DYNC2H1: variants seen among roughly 807,000 people sequenced by gnomAD.
The protein encoded by DYNC2H1 is cytoplasmic dynein 2 heavy chain 1.
DYNC2H1 carries 410 observed loss-of-function variants against 570.0 expected under a neutral mutation model. That is an observed-to-expected ratio of 0.72 (90% CI 0.66 to 0.78). DYNC2H1 has a LOEUF of 0.78. Ranked by LOEUF, DYNC2H1 falls within the 30% of genes least tolerant of loss-of-function variation. The pLI, the probability that DYNC2H1 is intolerant of heterozygous loss-of-function variation, is 0.00. For synonymous variants in DYNC2H1, 1,688 were observed against 1,677.6 expected, an observed-to-expected ratio of 1.01 and a Z score of -0.15; for missense variants, 4,865 against 5,046.4, an observed-to-expected ratio of 0.96 and a Z score of 1.09.
intron 83 of DYNC2H1, among the ~76,000 whole-genome samples, chr11:103,367,934 C>G (rs926791600): frequency 2.0e-5 from 3 of 152,246 alleles, no homozygotes; most frequent in South Asian, 4.1e-4. Context: ...GTTGTCACAA[C>G]TGACAGAATT....
At chr11:103,342,435 A>ATG (rs1277882892) in intron 82 of DYNC2H1, among the ~76,000 whole-genome samples, 213 of 152,116 alleles carry the variant, frequency 1.4e-3, no homozygotes, top group African/African-American at 4.1e-3. Context: ...GTCCCCTTCC[A>ATG]CAACGTGGAA....
In DYNC2H1 at chr11:103,479,208, C is replaced by T; in HGVS notation, c.12879C>T (p.Asp4293=). 1 of 1,613,752 alleles carries T rather than the reference C, an allele frequency of 6.2e-7. No homozygotes were observed. Among genetic ancestry groups the T allele is most frequent in the Admixed American group, 1.7e-5 (1 of 59,992 alleles). Residue 4293 remains aspartate, a synonymous_variant, in exon 89 of 89, where the codon GAC becomes GAT. Coordinates refer to ENST00000375735, the MANE Select transcript of DYNC2H1 (RefSeq NM_001377.3). ...ATGTTCCATGTGGGGGCAACCAAGA[C>T]CAGTGGATTCAGTGTGGAGCAGCTC... ...NIDVPCGGNQ[D]QWIQCGAALF...
At chr11:103,466,940 T>C (rs867692042) in intron 87 of DYNC2H1, among the ~76,000 whole-genome samples, 8 of 152,270 alleles carry the variant, frequency 5.3e-5, no homozygotes, top group Middle Eastern at 3.4e-3. Flanking sequence ...AGCATGGTTA[T>C]TGAGGTGTTT....
At chr11:103,179,830 C>T (rs901199602) in intron 39 of DYNC2H1, among the ~76,000 whole-genome samples, 3 of 151,708 alleles carry the variant, frequency 2.0e-5, no homozygotes, top group Middle Eastern at 3.4e-3. Context: ...CATACCAGAG[C>T]ATGGACATTT....
chr11:103,344,549 A>G (rs1288618455), intron 82 of DYNC2H1, among the ~76,000 whole-genome samples: 7 of 152,106 alleles, frequency 4.6e-5, no homozygotes. Context: ...TGGAACATTC[A>G]TACCCTAGGT....
At chr11:103,110,460 T>A (rs1196627033) in intron 1 of DYNC2H1, among the ~76,000 whole-genome samples, 2 of 152,152 alleles carry the variant, frequency 1.3e-5, no homozygotes, top group African/African-American at 4.8e-5. Flanking sequence ...GATCAGGCTC[T>A]GATTTTAACA....
intron 70 of DYNC2H1, among the ~76,000 whole-genome samples, chr11:103,274,738 T>G (rs1865842604): frequency 6.6e-6 from 1 of 152,130 alleles, no homozygotes; most frequent in African/African-American, 2.4e-5. Context: ...TTTTGGGGGT[T>G]TTTCAGCCAC....
chr11:103,260,922 A>AT (rs5794217), intron 70 of DYNC2H1, among the ~76,000 whole-genome samples: 7,572 of 147,018 alleles, frequency 0.052, 242 homozygotes, highest in Non-Finnish European at 0.074. Flanking sequence ...CCCAGCCAGA[A>AT]TTTTTTTTTT....
intron 83 of DYNC2H1, among the ~76,000 whole-genome samples, chr11:103,372,265 TGCCTAGGCCTCCCAAAGTGGTGGGATTA>T (rs1478224781): frequency 1.3e-5 from 2 of 152,018 alleles, no homozygotes; most frequent in African/African-American, 4.8e-5. Context: ...GTGATCTGCC[TGCCTAGGCCTCCCAAAGTGGTGGGATTA>T]CAGGCGTGAG....
chr11:103,273,882 G>A (rs1865804957), intron 70 of DYNC2H1, among the ~76,000 whole-genome samples: 1 of 152,102 alleles, frequency 6.6e-6, no homozygotes, highest in African/African-American at 2.4e-5. Flanking sequence ...AACAGGAGAA[G>A]GGTAACCACC....
In DYNC2H1 at chr11:103,283,090, T is replaced by A; in HGVS notation, c.10890+5T>A. On this transcript the variant is annotated splice_donor_5th_base_variant and intron_variant, in intron 73 of 88. Transcript: ENST00000375735. ...TGGGCCGTGGCAACATTAAAGGTAT[T>A]CCTTTTCTACTATGAGACATGTTTT... 1.3e-6 allele frequency: 2 copies of A among 1,598,988 alleles called. No homozygotes were observed. The highest frequency in any genetic ancestry group is 1.7e-6 in the Non-Finnish European group (2 of 1,170,014).
intron 83 of DYNC2H1, among the ~76,000 whole-genome samples, chr11:103,359,221 G>T (rs1168974992): frequency 6.6e-6 from 1 of 152,186 alleles, no homozygotes; most frequent in East Asian, 1.9e-4. Flanking sequence ...TTTTTTATAA[G>T]AAATCCGTTG....
intron 85 of DYNC2H1, among the ~76,000 whole-genome samples, chr11:103,453,919 A>G (rs1217660921): frequency 6.6e-6 from 1 of 152,092 alleles, no homozygotes; most frequent in East Asian, 1.9e-4. Context: ...TTAATTGAAA[A>G]TACTTTATGA....
intron 83 of DYNC2H1, among the ~76,000 whole-genome samples, chr11:103,380,338 GTTTA>G (rs1261364009): frequency 1.3e-5 from 2 of 151,974 alleles, no homozygotes; most frequent in Non-Finnish European, 2.9e-5. Context: ...TTTCTCATTT[GTTTA>G]TTTATTTATT....
At chr11:103,352,510 T>C (rs1940101632) in intron 82 of DYNC2H1, among the ~76,000 whole-genome samples, 1 of 152,228 alleles carries the variant, frequency 6.6e-6, no homozygotes, top group African/African-American at 2.4e-5. Context: ...GTTTTCATAT[T>C]TCCAAGTGTA....
At chr11:103,139,412 T>C (rs1235325194) in intron 17 of DYNC2H1, among the ~76,000 whole-genome samples, 1 of 152,150 alleles carries the variant, frequency 6.6e-6, no homozygotes, top group Non-Finnish European at 1.5e-5. Context: ...TGGTATGTTG[T>C]GTCTTTGTTC....
chr11:103,152,555 T>C (rs1860615154), intron 21 of DYNC2H1, among the ~76,000 whole-genome samples: 1 of 152,194 alleles, frequency 6.6e-6, no homozygotes, highest in South Asian at 2.1e-4. Flanking sequence ...TTACCTACTA[T>C]GTATGGCTTA....
In DYNC2H1 at chr11:103,135,844, AT is replaced by A; in HGVS notation, c.2476del (p.Ser826LeufsTer3). The A allele has an allele frequency of 6.2e-7, 1 of 1,613,100 alleles. No homozygotes were observed. Among genetic ancestry groups the A allele is most frequent in the African/African-American group, 1.3e-5 (1 of 75,028 alleles). ...KGVGEAGDES[I>X]FSIMIDRNAS... ...AGTGGGTGAGGCAGGAGATGAATCT[AT>A]TTTTTCTATTATGATTGATAGAAAT... On this transcript the variant is annotated frameshift_variant, in exon 17 of 89. Transcript: ENST00000375735. LOFTEE classifies it high-confidence loss of function.
chr11:103,117,096 A>G (rs1858438224), intron 5 of DYNC2H1, among the ~76,000 whole-genome samples: 1 of 150,202 alleles, frequency 6.7e-6, no homozygotes, highest in Non-Finnish European at 1.5e-5. Context: ...TTATATGTAC[A>G]AATATATTTA....
Sources: allele counts gnomAD v4.1 joint callset (sites outside exome capture counted in the v4.1 genomes callset), GRCh38; gene constraint gnomAD v4.1.1; transcripts MANE v1.5; gene names NCBI Gene and HGNC (gene_info 2026-07-23, HGNC 2026-07-21).